CCDC171: variants seen among roughly 807,000 people sequenced by gnomAD.
CCDC171 encodes coiled-coil domain-containing protein 171.
Under a neutral mutation model 168.2 loss-of-function variants are expected in CCDC171, and 177 were observed. The ratio of observed to expected loss-of-function variants is 1.05; its 90% CI spans 0.93 to 1.19. CCDC171 has a LOEUF of 1.19. Among genes scored for constraint, CCDC171 ranks in the 50% most tolerant of loss-of-function variants. The pLI, the probability that CCDC171 is intolerant of heterozygous loss-of-function variation, is 0.00. For synonymous variants in CCDC171, 687 were observed against 540.8 expected (o/e 1.27, Z -3.75); for missense variants, 1,991 against 1,539.0 (o/e 1.29, Z -4.91).
chr9:15,713,913 C>T (rs997604538), intron 11 of CCDC171, among the ~76,000 whole-genome samples: 6 of 150,290 alleles, frequency 4.0e-5, no homozygotes, highest in East Asian at 3.9e-4. Flanking sequence ...TGTGGTAGGG[C>T]GGCAACAAAG....
At chr9:15,754,893 G>T (rs73416261) in intron 18 of CCDC171, among the ~76,000 whole-genome samples, 1 of 151,954 alleles carries the variant, frequency 6.6e-6, no homozygotes, top group Non-Finnish European at 1.5e-5. Flanking sequence ...ATAATAAATA[G>T]ATTTTGTAAA....
Position 15,657,190 on chromosome 9 carries a change from G to C in CCDC171, c.886G>C (p.Glu296Gln). ...TGAAGCAGAAAGAGCAGCGCATTTG[G>C]AATCAAAATTTAATTCTGAAATTAT... ...NIEAERAAHL[E>Q]SKFNSEIIQL... Residue 296 changes from glutamate (E) to glutamine (Q), a missense_variant, in exon 8 of 26, where the codon GAA becomes CAA. Transcript: ENST00000380701. 6.2e-7 allele frequency: 1 copy of C among 1,610,738 alleles called. No individual in the cohort carries two copies.
chr9:15,830,504 C>A (rs2060186000), intron 21 of CCDC171, among the ~76,000 whole-genome samples: 1 of 152,164 alleles, frequency 6.6e-6, no homozygotes, highest in Non-Finnish European at 1.5e-5. Flanking sequence ...CTGGCCTTTT[C>A]AATTGATTCT....
chr9:15,632,554 C>T (rs2045813466), intron 7 of CCDC171, among the ~76,000 whole-genome samples: 1 of 152,126 alleles, frequency 6.6e-6, no homozygotes, highest in African/African-American at 2.4e-5. Flanking sequence ...ATTCCATGCT[C>T]ATGGGTAGGA....
chr9:15,994,407 A>T (rs550137772), intron 3 of CCDC171, among the ~76,000 whole-genome samples: 1 of 152,288 alleles, frequency 6.6e-6, no homozygotes, highest in South Asian at 2.1e-4. Context: ...GGACACAGGA[A>T]GGGGAACATC....
At chr9:15,806,365 C>A (rs1187539852) in intron 21 of CCDC171, among the ~76,000 whole-genome samples, 1 of 152,056 alleles carries the variant, frequency 6.6e-6, no homozygotes, top group African/African-American at 2.4e-5. Flanking sequence ...TTTGTAGTTG[C>A]TGGTAATGGT....
chr9:15,589,359 C>A (rs1011991852), intron 4 of CCDC171, among the ~76,000 whole-genome samples: 1 of 152,174 alleles, frequency 6.6e-6, no homozygotes, highest in Non-Finnish European at 1.5e-5. Context: ...TCTGGACTTT[C>A]CAATGACACC....
At chr9:16,080,233 C>G in the CCDC171 span, among the ~76,000 whole-genome samples, 2 of 152,116 alleles carry the variant, frequency 1.3e-5, no homozygotes, top group Admixed American at 6.5e-5. Flanking sequence ...AAGGCAGGTC[C>G]CCAGATGTGG....
chr9:15,868,275 C>T (rs986338062), intron 23 of CCDC171, among the ~76,000 whole-genome samples: 1 of 151,994 alleles, frequency 6.6e-6, no homozygotes, highest in Non-Finnish European at 1.5e-5. Flanking sequence ...AGTTTCTATG[C>T]TTGCTGCAGT....
exon 4 of CCDC171, chr9:16,020,701 C>G (rs1212678353): frequency 6.5e-6 from 1 of 154,366 alleles, no homozygotes; most frequent in African/African-American, 2.4e-5. Context: ...AGGCAGGGAG[C>G]TTACACACCG....
intron 24 of CCDC171, among the ~76,000 whole-genome samples, chr9:15,893,729 G>A (rs1488959171): frequency 1.3e-5 from 2 of 152,086 alleles, no homozygotes; most frequent in Admixed American, 1.3e-4. Flanking sequence ...ACCACAATGA[G>A]ATGCCATCTT....
intron 24 of CCDC171, among the ~76,000 whole-genome samples, chr9:15,889,464 A>C (rs976237296): frequency 6.6e-6 from 1 of 152,124 alleles, no homozygotes; most frequent in Non-Finnish European, 1.5e-5. Flanking sequence ...AATTTTTGCT[A>C]TCTACTCTCT....
intron 23 of CCDC171, among the ~76,000 whole-genome samples, chr9:15,853,222 T>G (rs2061209106): frequency 6.6e-6 from 1 of 151,676 alleles, no homozygotes; most frequent in Non-Finnish European, 1.5e-5. Context: ...TAGAATGCCT[T>G]TCTACTTATT....
In CCDC171 at chr9:15,729,608, A is replaced by G. The variant is rs868102012; in HGVS notation, c.1861-2A>G. On this transcript the variant is annotated splice_acceptor_variant, in intron 15 of 25. Transcript: ENST00000380701. LOFTEE classifies it high-confidence loss of function. ...CCTTCTCTGTTGCATCTCCCCGTAT[A>G]GATAAGGCATCTAGAGTATATCTGT... The G allele has an allele frequency of 1.2e-6, 2 of 1,600,126 alleles. No individual in the cohort carries two copies. Among genetic ancestry groups the G allele is most frequent in the East Asian group, 2.2e-5 (1 of 44,800 alleles).
intron 25 of CCDC171, among the ~76,000 whole-genome samples, chr9:15,958,516 G>GTATTATATTTATATTA (rs1554698951): frequency 2.2e-5 from 3 of 136,674 alleles, no homozygotes; most frequent in African/African-American, 8.3e-5. Flanking sequence ...CGGAGGTGAG[G>GTATTATATTTATATTA]TATTATATTA....
chr9:15,865,238 A>G (rs1017081816), intron 23 of CCDC171, among the ~76,000 whole-genome samples: 2 of 152,094 alleles, frequency 1.3e-5, no homozygotes, highest in Admixed American at 6.6e-5. Flanking sequence ...ATCATGAAAC[A>G]CAACATTTAT....
intron 24 of CCDC171, among the ~76,000 whole-genome samples, chr9:15,913,964 C>T (rs916052443): frequency 6.6e-5 from 10 of 152,216 alleles, no homozygotes; most frequent in Non-Finnish European, 8.8e-5. Flanking sequence ...CTAGGTATCA[C>T]CAACAGAGGC....
At chr9:15,732,868 C>G (rs1283919218) in intron 16 of CCDC171, among the ~76,000 whole-genome samples, 1 of 152,010 alleles carries the variant, frequency 6.6e-6, no homozygotes, top group East Asian at 1.9e-4. Flanking sequence ...GTAAGTGTAA[C>G]TTAAGCAACT....
At chr9:16,000,376 T>G (rs1022229256) in intron 3 of CCDC171, among the ~76,000 whole-genome samples, 1 of 152,318 alleles carries the variant, frequency 6.6e-6, no homozygotes, top group South Asian at 2.1e-4. Flanking sequence ...GTGTGTCTCT[T>G]GAACTGCCCA....
Sources: gnomAD v4.1 joint callset for allele counts (sites outside exome capture counted in the v4.1 genomes callset) on GRCh38, gnomAD v4.1.1 for gene constraint, MANE v1.5 for transcripts, NCBI Gene and HGNC (gene_info 2026-07-23, HGNC 2026-07-21) for gene names.